The following ADH6 variants were observed in gnomAD, a reference collection of about 807,000 sequenced individuals.
ADH6 encodes alcohol dehydrogenase 6.
A neutral mutation model predicts 36.5 loss-of-function variants in ADH6; 34 were observed. That is an observed-to-expected ratio of 0.93 (90% CI 0.71 to 1.24). ADH6 has a LOEUF of 1.24. Among genes scored for constraint, ADH6 ranks in the 50% most tolerant of loss-of-function variants. The pLI, the probability that ADH6 is intolerant of heterozygous loss-of-function variation, is 0.00. For missense variants in ADH6, 440 were observed against 447.0 expected, an observed-to-expected ratio of 0.98 and a Z score of 0.14; for synonymous variants, 161 against 155.5, an observed-to-expected ratio of 1.04 and a Z score of -0.26.
Position 99,204,033 on chromosome 4 carries a change from T to C in ADH6, c.*186A>G. The C allele has an allele frequency of 1.6e-6, 1 of 618,230 alleles. No homozygotes were observed. The highest frequency in any genetic ancestry group is 3.0e-5 in the South Asian group (1 of 33,826). The allele number at this position is 618,230 out of a possible 1,614,324, so 38.3% of individuals were successfully genotyped here. Reference sequence around the variant, plus strand: ...GAGGCTGATCCTTGGTGACACTGGGTTACGTAAGAACAATTTTGATGAAAT... The same window carrying C: ...GAGGCTGATCCTTGGTGACACTGGGCTACGTAAGAACAATTTTGATGAAAT... On this transcript the variant is annotated 3_prime_UTR_variant, in exon 9 of 9. Transcript: ENST00000394899.
rs750373618 is a variant in ADH6 at position 99,210,426 on chromosome 4, A to G, written c.339T>C (p.Cys113=). The G allele has an allele frequency of 6.2e-7, 1 of 1,610,016 alleles. No individual in the cohort carries two copies. The highest frequency in any genetic ancestry group is 1.1e-5 in the South Asian group (1 of 90,838). ...TSCLNSEGNF[C]IQFKQSKTQL... ...TAGTAAAAACTTACTTGAATTGTATACAAAAATTGCCCTCAGAATTCAGGC... is the reference window on the plus strand; with the variant it reads ...TAGTAAAAACTTACTTGAATTGTATGCAAAAATTGCCCTCAGAATTCAGGC... The change falls in exon 4 of 9, where the codon TGT becomes TGC. Residue 113 remains cysteine, a synonymous_variant. Transcript: ENST00000394899.
At chr4:99,206,470 TAGAG>T (rs1044218165) in intron 7 of ADH6, among the ~76,000 whole-genome samples, 1 of 151,986 alleles carries the variant, frequency 6.6e-6, no homozygotes, top group Non-Finnish European at 1.5e-5. Context: ...ATAAATACAA[TAGAG>T]AGAAATGGCA....
rs34008565 is a variant in ADH6, at chr4:99,216,135, ATTTTTT to A, written c.120+20_120+25del. The A allele has an allele frequency of 7.4e-4, 639 of 863,836 alleles. No homozygotes were observed. The highest frequency in any genetic ancestry group is 1.2e-3 in the South Asian group (41 of 34,612). The allele number at this position is 863,836 out of a possible 1,614,324, so 53.5% of individuals were successfully genotyped here. On this transcript the variant is annotated intron_variant, in intron 2 of 8. Transcript: ENST00000394899. ...GCTCTGGCTTTTGGCTTTTGGTGTG[ATTTTTT>A]TTTTTTTTTTTTTTTTTACCTTTAT...
rs1029714077 is a variant in ADH6, at chr4:99,203,881, G to A, written c.*338C>T. 3 of 237,930 alleles carry A rather than the reference G, an allele frequency of 1.3e-5. No homozygotes were observed. Among genetic ancestry groups the A allele is most frequent in the South Asian group, 1.2e-4 (1 of 8,228 alleles). 14.7% of individuals were successfully genotyped at this position (237,930 alleles called of 1,614,324 possible). A position where few individuals can be genotyped will look rare whatever the true frequency, so the allele number is the denominator to read the frequency against. On this transcript the variant is annotated 3_prime_UTR_variant, in exon 9 of 9. Transcript: ENST00000394899. Reference sequence around the variant, plus strand: ...TCTAGGCCTGTGAGAGAGACATATAGTGTACAAGAATATAAAGGTCCACAG... The same window carrying A: ...TCTAGGCCTGTGAGAGAGACATATAATGTACAAGAATATAAAGGTCCACAG...
In ADH6 at chr4:99,213,802, T is replaced by C. The variant is rs1731310415; in HGVS notation, c.121-55A>G. The C allele has an allele frequency of 1.4e-5, 21 of 1,463,602 alleles. No homozygotes were observed. The South Asian group carries it at 3.0e-4, about 21-fold the overall frequency. The allele number at this position is 1,463,602 out of a possible 1,614,324, so 90.7% of individuals were successfully genotyped here. A position where few individuals can be genotyped will look rare whatever the true frequency, so the allele number is the denominator to read the frequency against. On this transcript the variant is annotated intron_variant, in intron 2 of 8. Coordinates refer to ENST00000394899, the MANE Select transcript of ADH6 (RefSeq NM_001102470.2). ...CCCGCTGTTTCAGATAATGGTGTTT[T>C]AGAGTTGTTGACTGTAAGGCTTTTT... is the stretch of plus-strand genomic sequence containing the variant.
At chr4:99,209,248 T>C (rs907179168) in intron 5 of ADH6, among the ~76,000 whole-genome samples, 3 of 152,122 alleles carry the variant, frequency 2.0e-5, no homozygotes, top group Non-Finnish European at 4.4e-5. Context: ...CCAGATATTT[T>C]TGAGTTCTTT....
chr4:99,207,623 G>T, intron 6 of ADH6, 42 bp from the exon 7 acceptor site: 1 of 1,587,738 alleles, frequency 6.3e-7, no homozygotes, highest in Non-Finnish European at 8.6e-7. Flanking sequence ...GTTAAAAGAT[G>T]TATGTGAGGA....
chr4:99,208,423 A>G (rs1170283592), intron 6 of ADH6: 3 of 387,758 alleles, frequency 7.7e-6, no homozygotes, highest in African/African-American at 6.2e-5. Flanking sequence ...AAGGTCATTA[A>G]TCAAATTTTA....
chr4:99,210,616 T>C (rs1041177199), intron 3 of ADH6, 114 bp from the exon 4 acceptor site: 2 of 761,974 alleles, frequency 2.6e-6, no homozygotes, highest in Non-Finnish European at 4.4e-6. Context: ...CTGAAAATTA[T>C]TTCCACATTC....
intron 2 of ADH6, among the ~76,000 whole-genome samples, chr4:99,214,383 G>A (rs1411940978): frequency 6.6e-6 from 1 of 152,158 alleles, no homozygotes; most frequent in Non-Finnish European, 1.5e-5. Flanking sequence ...GACAGAGTGA[G>A]ACCCTGTCTC....
In ADH6 at chr4:99,203,297, C is replaced by T. The variant is rs1238312546; in HGVS notation, c.*922G>A. 6.6e-6 allele frequency: 1 copy of T among 151,868 alleles called. No individual in the cohort carries two copies. Among genetic ancestry groups the T allele is most frequent in the Non-Finnish European group, 1.5e-5 (1 of 68,014 alleles). 9.4% of individuals were successfully genotyped at this position (151,868 alleles called of 1,614,324 possible). On this transcript the variant is annotated 3_prime_UTR_variant, in exon 9 of 9. Coordinates refer to ENST00000394899, the MANE Select transcript of ADH6 (RefSeq NM_001102470.2). ...AGAGGAAGGGAAGGAAGTCATATCCCAAGAGGGCACTTAACCTTAGTCCTA... is the reference window on the plus strand; with the variant it reads ...AGAGGAAGGGAAGGAAGTCATATCCTAAGAGGGCACTTAACCTTAGTCCTA...
chr4:99,213,782 T>C, intron 2 of ADH6, 35 bp from the exon 3 acceptor site: 1 of 1,524,954 alleles, frequency 6.6e-7, no homozygotes, highest in Non-Finnish European at 8.8e-7. Context: ...CAGTTCCCGC[T>C]GTTTCAGATA....
intron 5 of ADH6, among the ~76,000 whole-genome samples, chr4:99,209,295 G>GTCTC (rs149042936): frequency 2.0e-5 from 3 of 147,958 alleles, no homozygotes; most frequent in South Asian, 2.1e-4. Context: ...ATTTCTCTCT[G>GTCTC]TCTCTCTCTC....
chr4:99,205,188 C>T (rs1047332903), intron 7 of ADH6, 125 bp from the exon 8 acceptor site: 11 of 1,030,824 alleles, frequency 1.1e-5, no homozygotes, highest in Non-Finnish European at 1.4e-5. Context: ...CGTTTACTTG[C>T]CTCAATCATC....
At chr4:99,217,245 C>T (rs991616193) in intron 1 of ADH6, among the ~76,000 whole-genome samples, 1 of 152,082 alleles carries the variant, frequency 6.6e-6, no homozygotes, top group Non-Finnish European at 1.5e-5. Context: ...ACTGTGTTAG[C>T]CAGGATGTTC....
chr4:99,208,784 C>T lies in ADH6; in HGVS notation c.712G>A (p.Ala238Thr). 6.2e-7 allele frequency: 1 copy of T among 1,613,802 alleles called. No homozygotes were observed. Among genetic ancestry groups the T allele is most frequent in the Non-Finnish European group, 8.5e-7 (1 of 1,179,788 alleles). ...EKFKKAQELG[A>T]TECLNPQDLK... The stretch of plus-strand genomic sequence containing the variant: ...TCCTGAGGGTTGAGGCACTCAGTAG[C>T]ACCCAATTCCTGTGCCTTCTTAAAT... The change falls in exon 6 of 9, where the codon GCT (alanine) becomes ACT (threonine). Residue 238 changes from alanine to threonine, a missense_variant. Physicochemically the swap from Ala to Thr is moderately conservative, Grantham distance 58 (BLOSUM62 0). Coordinates refer to ENST00000394899, the MANE Select transcript of ADH6 (RefSeq NM_001102470.2).
rs545023880 is a variant in ADH6, at chr4:99,206,086, C to T, written c.965-1023G>A. ...TGATAAAACATTTTTACATCTATGT[C>T]AACCCTCCACTTTTTTTCTTATTTC... On this transcript the variant is annotated intron_variant, in intron 7 of 8. Transcript: ENST00000394899. 1.1e-4 allele frequency among the ~76,000 whole-genome samples: 17 copies of T among 152,136 alleles called. No homozygotes were observed. The South Asian group carries it at 3.5e-3, about 32-fold the overall frequency.
chr4:99,204,283 T>C, intron 8 of ADH6, 40 bp from the exon 9 acceptor site: 1 of 1,592,952 alleles, frequency 6.3e-7, no homozygotes, highest in Non-Finnish European at 8.5e-7. Flanking sequence ...GGAACATTTT[T>C]AGAGCAACAT....
In ADH6 at chr4:99,210,404, TAAAAACTTACTTGAATTGTATAC is replaced by T; in HGVS notation, c.338_350+10del. The T allele has an allele frequency of 6.2e-7, 1 of 1,603,514 alleles. No homozygotes were observed. Among genetic ancestry groups the T allele is most frequent in the Non-Finnish European group, 8.5e-7 (1 of 1,171,724 alleles). ...TAAGTTTTCAAAAAGAAAATATTAG[TAAAAACTTACTTGAATTGTATAC>T]AAAAATTGCCCTCAGAATTCAGGCA... On this transcript the variant is annotated splice_donor_variant and splice_donor_5th_base_variant and coding_sequence_variant and intron_variant, in exon 4 of 9. Transcript: ENST00000394899. LOFTEE classifies it high-confidence loss of function.
Sources: gnomAD v4.1 joint callset for allele counts (sites outside exome capture counted in the v4.1 genomes callset) on GRCh38, gnomAD v4.1.1 for gene constraint, MANE v1.5 for transcripts, NCBI Gene and HGNC (gene_info 2026-07-23, HGNC 2026-07-21) for gene names.